ELAVL4: variants seen among roughly 807,000 people sequenced by gnomAD.
ELAVL4 encodes ELAV like RNA binding protein 4.
A neutral mutation model predicts 35.6 loss-of-function variants in ELAVL4; 1 was observed. The observed-to-expected ratio is 0.03, with a 90% CI of 0.01 to 0.13. The LOEUF (loss-of-function observed/expected upper bound fraction) is 0.13, where lower values mean the gene tolerates loss of function less well. Ranked by LOEUF, ELAVL4 falls within the 10% of genes least tolerant of loss-of-function variation. The pLI is 1.00. For synonymous variants in ELAVL4, 156 were observed against 171.0 expected, an observed-to-expected ratio of 0.91 and a Z score of 0.69; for missense variants, 267 against 464.9, an observed-to-expected ratio of 0.57 and a Z score of 3.91.
At chr1:50,088,874 A>G (rs1163580951) in intron 1 of ELAVL4, among the ~76,000 whole-genome samples, 5 of 152,138 alleles carry the variant, frequency 3.3e-5, no homozygotes, top group Admixed American at 3.3e-4. Context: ...TAATCAGTTA[A>G]GCCTTAGTGA....
intron 1 of ELAVL4, among the ~76,000 whole-genome samples, chr1:50,070,061 T>A (rs977055259): frequency 2.0e-5 from 3 of 152,220 alleles, no homozygotes; most frequent in Non-Finnish European, 4.4e-5. Context: ...TAGACTAGCA[T>A]AGAATTGATA....
At chr1:50,184,463 G>C (rs1572580162) in intron 3 of ELAVL4, among the ~76,000 whole-genome samples, 1 of 151,432 alleles carries the variant, frequency 6.6e-6, no homozygotes, top group Non-Finnish European at 1.5e-5. Flanking sequence ...CCATATCACA[G>C]AAAATAGTGG....
chr1:50,053,821 C>A (rs1370823137), intron 1 of ELAVL4, among the ~76,000 whole-genome samples: 1 of 151,972 alleles, frequency 6.6e-6, no homozygotes, highest in Non-Finnish European at 1.5e-5. Flanking sequence ...GTTATAAATG[C>A]TATGTGGGAA....
At chr1:50,120,975 C>T (rs1557730710) in intron 1 of ELAVL4, among the ~76,000 whole-genome samples, 1 of 152,052 alleles carries the variant, frequency 6.6e-6, no homozygotes, top group Non-Finnish European at 1.5e-5. Flanking sequence ...CCAAAGCATG[C>T]TTGTCTTGAC....
intron 1 of ELAVL4, among the ~76,000 whole-genome samples, chr1:50,135,051 C>T (rs1458764761): frequency 6.6e-6 from 1 of 152,070 alleles, no homozygotes; most frequent in African/African-American, 2.4e-5. Context: ...CTTTTCATAT[C>T]CGTGCTGGCC....
intron 1 of ELAVL4, among the ~76,000 whole-genome samples, chr1:50,073,735 T>C (rs953876058): frequency 2.6e-5 from 4 of 152,152 alleles, no homozygotes; most frequent in Non-Finnish European, 5.9e-5. Context: ...TGAGGAATAA[T>C]GGCTTCGTAA....
intron 1 of ELAVL4, among the ~76,000 whole-genome samples, chr1:50,066,291 A>C (rs1229367331): frequency 6.6e-6 from 1 of 152,194 alleles, no homozygotes; most frequent in African/African-American, 2.4e-5. Context: ...AACATGCTAG[A>C]TACTATCTTA....
chr1:50,077,957 T>G (rs1664838162), intron 1 of ELAVL4, among the ~76,000 whole-genome samples: 1 of 152,098 alleles, frequency 6.6e-6, no homozygotes, highest in African/African-American at 2.4e-5. Flanking sequence ...GAGCCAGACT[T>G]CCATGGTTTC....
At chr1:50,078,397 A>AT (rs921825573) in intron 1 of ELAVL4, among the ~76,000 whole-genome samples, 15 of 149,224 alleles carry the variant, frequency 1.0e-4, no homozygotes, top group African/African-American at 1.7e-4. Flanking sequence ...CCTAAAACTC[A>AT]TTTTTTTTTT....
At chr1:50,198,502 A>G (rs139981353) in intron 6 of ELAVL4, among the ~76,000 whole-genome samples, 64 of 152,314 alleles carry the variant, frequency 4.2e-4, no homozygotes, top group Non-Finnish European at 8.5e-4. Flanking sequence ...TGGTAGAGGA[A>G]GTAACCTGAC....
rs1052911072 is a variant in ELAVL4 at position 50,202,853 on chromosome 1, AT to A, written c.*1681del. 1 of 152,074 alleles carries A rather than the reference AT, an allele frequency of 6.6e-6. No homozygotes were observed. The highest frequency in any genetic ancestry group is 1.5e-5 in the Non-Finnish European group (1 of 67,986). 9.4% of individuals were successfully genotyped at this position (152,074 alleles called of 1,614,324 possible). On this transcript the variant is annotated 3_prime_UTR_variant, in exon 7 of 7. Coordinates refer to ENST00000371824, the MANE Select transcript of ELAVL4 (RefSeq NM_001144774.3). ...ATATATTGTCATGTTTGTTGTGAATATTTTTTCTTACTGCACAGTAGAAAAA... is the reference window on the plus strand; with the variant it reads ...ATATATTGTCATGTTTGTTGTGAATATTTTTCTTACTGCACAGTAGAAAAA...
chr1:50,114,526 A>G (rs575415028), intron 1 of ELAVL4, among the ~76,000 whole-genome samples: 1 of 152,220 alleles, frequency 6.6e-6, no homozygotes, highest in Admixed American at 6.5e-5. Context: ...TAAATTAGCT[A>G]TTTAGCAGTG....
chr1:50,164,187 T>C (rs549212694), intron 2 of ELAVL4, among the ~76,000 whole-genome samples: 1 of 152,330 alleles, frequency 6.6e-6, no homozygotes. Context: ...AAGTATAAAC[T>C]GAAACCCACT....
At chr1:50,128,611 G>A (rs1056923131) in intron 1 of ELAVL4, among the ~76,000 whole-genome samples, 13 of 152,114 alleles carry the variant, frequency 8.5e-5, no homozygotes, top group Non-Finnish European at 1.5e-4. Context: ...TAATGGAAAT[G>A]TGTGTGAGAG....
chr1:50,141,703 G>A (rs1188533499), intron 1 of ELAVL4: 2 of 152,236 alleles, frequency 1.3e-5, no homozygotes, highest in African/African-American at 4.8e-5. Context: ...ACTTCTATCA[G>A]TCCTGAGGGG....
chr1:50,062,541 A>G (rs1390088231), intron 1 of ELAVL4, among the ~76,000 whole-genome samples: 3 of 152,128 alleles, frequency 2.0e-5, no homozygotes, highest in African/African-American at 4.8e-5. Flanking sequence ...CTGTGTGCTC[A>G]GTGCTACTTC....
chr1:50,156,473 G>A (rs150314452), intron 2 of ELAVL4, among the ~76,000 whole-genome samples: 1 of 152,164 alleles, frequency 6.6e-6, no homozygotes, highest in African/African-American at 2.4e-5. Context: ...GGAGGAGAGG[G>A]AAGGTGGATG....
intron 1 of ELAVL4, among the ~76,000 whole-genome samples, chr1:50,128,567 C>T (rs532758937): frequency 4.6e-5 from 7 of 152,130 alleles, no homozygotes; most frequent in African/African-American, 1.7e-4. Context: ...AGATAGGAGG[C>T]TGGAGAGTTT....
chr1:50,125,279 C>T (rs147582601), intron 1 of ELAVL4, among the ~76,000 whole-genome samples: 38 of 151,826 alleles, frequency 2.5e-4, no homozygotes, highest in Middle Eastern at 3.4e-3. Context: ...TATATTATGT[C>T]GTGTTTTATA....
Sources: allele counts gnomAD v4.1 joint callset (sites outside exome capture counted in the v4.1 genomes callset), GRCh38; gene constraint gnomAD v4.1.1; transcripts MANE v1.5; gene names NCBI Gene and HGNC (gene_info 2026-07-23, HGNC 2026-07-21).